RSAD1: variants seen among roughly 807,000 people sequenced by gnomAD.
RSAD1 encodes radical S-adenosyl methionine domain-containing protein 1, mitochondrial.
Under a neutral mutation model 46.2 loss-of-function variants are expected in RSAD1, and 34 were observed. The observed-to-expected ratio is 0.74, with a 90% confidence interval of 0.56 to 0.98. RSAD1 has a LOEUF of 0.98. RSAD1 is among the 50% of genes least tolerant of loss of function. The probability of loss-of-function intolerance (pLI) is 0.00; values close to 1 mark genes in which losing one functional copy is unlikely to be tolerated. For synonymous variants in RSAD1, 260 were observed against 253.5 expected (o/e 1.03, Z -0.24); for missense variants, 635 against 592.3 (o/e 1.07, Z -0.75).
intron 7 of RSAD1, 97 bp downstream of exon 7, chr17:50,483,857 T>C: frequency 1.7e-6 from 2 of 1,179,166 alleles, no homozygotes; most frequent in South Asian, 3.1e-5. Context: ...ATACCTCCAA[T>C]TTCTGTGAGA....
At position 50,482,414 on chromosome 17, in the gene RSAD1, G is replaced by A; in HGVS notation, c.798G>A (p.Glu266=). 1 of 1,588,874 alleles carries A rather than the reference G, an allele frequency of 6.3e-7. No individual in the cohort carries two copies. Among genetic ancestry groups the A allele is most frequent in the South Asian group, 1.1e-5 (1 of 88,062 alleles). Residue 266 remains glutamate, a synonymous_variant, in exon 4 of 9, where the codon GAG becomes GAA. Transcript: ENST00000258955. Reference sequence around the variant, plus strand: ...AGAGGGGCCGGGCTGTCCTTCGGGAGGCTGGCTTCCACCAGTATGAGGTCT... The same window carrying A: ...AGAGGGGCCGGGCTGTCCTTCGGGAAGCTGGCTTCCACCAGTATGAGGTCT... ...MYQRGRAVLR[E]AGFHQYEVSN...
In RSAD1 at chr17:50,478,977, G is replaced by A; in HGVS notation, c.93G>A (p.Pro31=). The part of the protein sequence containing the change: ...RRRVENAGGS[P]SPEPAGRRAA... The stretch of plus-strand genomic sequence containing the variant: ...GCGTGGAGAACGCAGGAGGGTCCCC[G>A]AGTCCTGAGCCTGCGGGCCGGCGCG... Residue 31 remains proline (P), a synonymous_variant, in exon 1 of 9, where the codon CCG becomes CCA. Transcript: ENST00000258955. The A allele has an allele frequency of 7.1e-7, 1 of 1,400,380 alleles. No individual in the cohort carries two copies. Among genetic ancestry groups the A allele is most frequent in the African/African-American group, 1.5e-5 (1 of 66,614 alleles). 86.7% of individuals were successfully genotyped at this position (1,400,380 alleles called of 1,614,324 possible).
intron 1 of RSAD1, 38 bp downstream of exon 1, chr17:50,479,057 C>T: frequency 7.6e-7 from 1 of 1,307,284 alleles, no homozygotes; most frequent in South Asian, 2.3e-5. Flanking sequence ...GGTGTGTGGC[C>T]GCAGCCCTGG....
chr17:50,484,975 C>T lies in RSAD1; in HGVS notation c.*114C>T. 1.2e-6 allele frequency: 1 copy of T among 823,704 alleles called. No homozygotes were observed. Among genetic ancestry groups the T allele is most frequent in the South Asian group, 1.6e-5 (1 of 63,544 alleles). The allele number at this position is 823,704 out of a possible 1,614,324, so 51.0% of individuals were successfully genotyped here. The stretch of plus-strand genomic sequence containing the variant: ...CCGTCTCTGCTCCTTGTGGTTATTG[C>T]TCAGCCCTGGCATCCCCAGGGGAAT... On this transcript the variant is annotated 3_prime_UTR_variant, in exon 9 of 9. Transcript: ENST00000258955.
chr17:50,482,200 A>T lies in RSAD1; in HGVS notation c.584A>T (p.Asp195Val). The T allele has an allele frequency of 6.4e-7, 1 of 1,571,346 alleles. No individual in the cohort carries two copies. Among genetic ancestry groups the T allele is most frequent in the Non-Finnish European group, 8.7e-7 (1 of 1,155,302 alleles). ...CTCTTTCCCGGGCGCGTGTCTGTAGACTTGATGCTGGGGCTGCCGGCACAG... is the reference window on the plus strand; with the variant it reads ...CTCTTTCCCGGGCGCGTGTCTGTAGTCTTGATGCTGGGGCTGCCGGCACAG... ...RRLFPGRVSV[D>V]LMLGLPAQQV... is the part of the protein sequence containing the mutation. The change falls in exon 4 of 9, where the codon GAC (aspartate) becomes GTC (valine). Residue 195 changes from aspartate (D) to valine (V), a missense_variant. Asp to Val is a radical substitution (Grantham distance 152). Transcript: ENST00000258955.
At chr17:50,479,064 C>G (rs2143830061) in intron 1 of RSAD1, 45 bp downstream of exon 1, 1 of 1,298,862 alleles carries the variant, frequency 7.7e-7, no homozygotes, top group East Asian at 3.1e-5. Context: ...GGCCGCAGCC[C>G]TGGCCGTGAC....
At position 50,478,972 on chromosome 17, in the gene RSAD1, TC is replaced by T; in HGVS notation, c.92del (p.Pro31ArgfsTer46). 5 of 1,398,348 alleles carry T rather than the reference TC, an allele frequency of 3.6e-6. No homozygotes were observed. The highest frequency in any genetic ancestry group is 3.1e-5 in the Admixed American group (1 of 31,872). 86.6% of individuals were successfully genotyped at this position (1,398,348 alleles called of 1,614,324 possible). A position where few individuals can be genotyped will look rare whatever the true frequency, so the allele number is the denominator to read the frequency against. On this transcript the variant is annotated frameshift_variant, in exon 1 of 9. Transcript: ENST00000258955. LOFTEE classifies it high-confidence loss of function. ...RRRRVENAGG[S>X]PSPEPAGRRA... ...CCGCCGCGTGGAGAACGCAGGAGGGTCCCCGAGTCCTGAGCCTGCGGGCCGG... is the reference window on the plus strand; with the variant it reads ...CCGCCGCGTGGAGAACGCAGGAGGGTCCCGAGTCCTGAGCCTGCGGGCCGG...
chr17:50,483,517 C>T (rs200705149), intron 6 of RSAD1, 30 bp downstream of exon 6: 12 of 1,609,078 alleles, frequency 7.5e-6, no homozygotes, highest in Non-Finnish European at 1.0e-5. Flanking sequence ...GGGCTCTCCT[C>T]CAGGATCCCC....
In RSAD1 at chr17:50,485,497, C is replaced by G. The variant is rs999907753; in HGVS notation, c.*636C>G. 2 of 152,330 alleles carry G rather than the reference C, an allele frequency of 1.3e-5. No individual in the cohort carries two copies. Among genetic ancestry groups the G allele is most frequent in the Non-Finnish European group, 2.9e-5 (2 of 68,112 alleles). The allele number at this position is 152,330 out of a possible 1,614,324, so 9.4% of individuals were successfully genotyped here. On this transcript the variant is annotated 3_prime_UTR_variant, in exon 9 of 9. Coordinates refer to ENST00000258955, the MANE Select transcript of RSAD1 (RefSeq NM_018346.3). ...TGCTACAAAACCTCATGCCTACTGT[C>G]TGCCACTGCTGGAGAAGGAATCATG...
chr17:50,479,077 T>TG, intron 1 of RSAD1, 58 bp downstream of exon 1: 3 of 1,276,390 alleles, frequency 2.4e-6, no homozygotes, highest in Non-Finnish European at 3.0e-6. Context: ...GCCGTGACCG[T>TG]GGCCGTCCAA....
chr17:50,483,343 C>T lies in RSAD1; in HGVS notation c.908C>T (p.Ala303Val). ...CGQYLGVGPG[A>V]HGRFMPQGAG... The stretch of plus-strand genomic sequence containing the variant: ...GGATGGTTGTTGATGTTGTCAGGGG[C>T]CCATGGACGATTTATGCCCCAGGGG... The change falls in exon 6 of 9, where the codon GCC (alanine) becomes GTC (valine). Residue 303 changes from alanine to valine, a missense_variant. Physicochemically the swap from Ala to Val is moderately conservative, Grantham distance 64 (BLOSUM62 0). Transcript: ENST00000258955. The T allele has an allele frequency of 6.2e-7, 1 of 1,613,598 alleles. No homozygotes were observed.
At position 50,479,714 on chromosome 17, in the gene RSAD1, G is replaced by T. The variant is rs1213781794; in HGVS notation, c.221G>T (p.Cys74Phe). The T allele has an allele frequency of 6.2e-7, 1 of 1,613,688 alleles. No homozygotes were observed. The highest frequency in any genetic ancestry group is 8.5e-7 in the Non-Finnish European group (1 of 1,179,800). ...CTGGAGGAGGCTGCCATGCAGAAGT[G>T]TCTGGTGACCGAAGCTCAGACGCTG... ...RRLEEAAMQK[C>F]LVTEAQTLLR... Residue 74 changes from cysteine to phenylalanine, a missense_variant, in exon 2 of 9, where the codon TGT becomes TTT. Physicochemically the swap from Cys to Phe is radical, Grantham distance 205. Transcript: ENST00000258955.
At chr17:50,484,678 C>T (rs1378215200) in intron 8 of RSAD1, 66 bp from the exon 9 acceptor site, 1 of 1,550,140 alleles carries the variant, frequency 6.5e-7, no homozygotes, top group Non-Finnish European at 8.9e-7. Flanking sequence ...GAGCTCGGCC[C>T]TGCTGGGTGA....
intron 5 of RSAD1, 138 bp downstream of exon 5, chr17:50,482,844 C>G (rs60276131): frequency 8.1e-6 from 6 of 740,680 alleles, no homozygotes; most frequent in Non-Finnish European, 1.4e-5. Flanking sequence ...CCCTATAGAA[C>G]TGTTGAGCAT....
Position 50,482,266 on chromosome 17 carries a change from A to T in RSAD1, c.650A>T (p.His217Leu). 1 of 1,585,834 alleles carries T rather than the reference A, an allele frequency of 6.3e-7. No individual in the cohort carries two copies. Among genetic ancestry groups the T allele is most frequent in the Non-Finnish European group, 8.6e-7 (1 of 1,162,802 alleles). The change falls in exon 4 of 9, where the codon CAC becomes CTC. Residue 217 changes from histidine to leucine, a missense_variant. Physicochemically the swap from His to Leu is moderately conservative, Grantham distance 99. Coordinates refer to ENST00000258955, the MANE Select transcript of RSAD1 (RefSeq NM_018346.3). ...PWLGQLQELLHHCDDHLSLYQ... is the reference protein window; with the variant it reads ...PWLGQLQELLLHCDDHLSLYQ... ...CTTGGGCAGCTGCAGGAACTGCTGC[A>T]CCACTGTGATGACCACCTCTCCCTC...
rs900631446 is a variant in RSAD1, at chr17:50,484,216, T to G, written c.1108-226T>G. The G allele has an allele frequency of 5.5e-6, 3 of 540,600 alleles. No homozygotes were observed. The South Asian group carries it at 6.8e-5, about 12-fold the overall frequency. 33.5% of individuals were successfully genotyped at this position (540,600 alleles called of 1,614,324 possible). ...GAGAGGGGAGGGAAGAGAGGAGGCA[T>G]AGAGGAAGGCCTGGCTTGGCTGGAA... On this transcript the variant is annotated intron_variant, in intron 7 of 8. Transcript: ENST00000258955.
rs769707811 is a variant in RSAD1 at position 50,483,428 on chromosome 17, G to A, written c.993G>A (p.Lys331=). The stretch of plus-strand genomic sequence containing the variant: ...CACTGGAGCCTGACAACTGGATGAA[G>A]GAGGTGATGCTGTTTGGCCATGGCA... ...IQTLEPDNWM[K]EVMLFGHGTR... The change falls in exon 6 of 9, where the codon AAG becomes AAA. Residue 331 remains lysine, a synonymous_variant. Coordinates refer to ENST00000258955, the MANE Select transcript of RSAD1 (RefSeq NM_018346.3). The A allele has an allele frequency of 6.2e-7, 1 of 1,613,846 alleles. No homozygotes were observed. The highest frequency in any genetic ancestry group is 2.2e-5 in the East Asian group (1 of 44,882).
At position 50,478,868 on chromosome 17, in the gene RSAD1, G is replaced by GCGCTT. The variant is rs936827061; in HGVS notation, c.-13_-12insTCGCT. On this transcript the variant is annotated 5_prime_UTR_variant, in exon 1 of 9. Transcript: ENST00000258955. Reference sequence around the variant, plus strand: ...CGTCTCCTGCTCGGGTCAGTGCGCCGCGCTGCGCTGGGCGCCATGGCGCTC... The same window carrying GCGCTT: ...CGTCTCCTGCTCGGGTCAGTGCGCCGCGCTTCGCTGCGCTGGGCGCCATGGCGCTC... 1 of 1,218,088 alleles carries GCGCTT rather than the reference G, an allele frequency of 8.2e-7. No homozygotes were observed. The highest frequency in any genetic ancestry group is 2.3e-5 in the African/African-American group (1 of 43,686). 75.5% of individuals were successfully genotyped at this position (1,218,088 alleles called of 1,614,324 possible).
intron 5 of RSAD1, among the ~76,000 whole-genome samples, chr17:50,483,127 C>T (rs2033402247): frequency 7.4e-6 from 1 of 135,324 alleles, no homozygotes; most frequent in Non-Finnish European, 1.5e-5. Context: ...TCGTTTGACC[C>T]CAGGCGTCCA....
Sources: allele counts gnomAD v4.1 joint callset (sites outside exome capture counted in the v4.1 genomes callset), GRCh38; gene constraint gnomAD v4.1.1; transcripts MANE v1.5; gene names NCBI Gene and HGNC (gene_info 2026-07-23, HGNC 2026-07-21).